Variants in EYS observed in about 807,000 individuals in gnomAD.
EYS encodes protein eyes shut homolog.
EYS carries 250 observed loss-of-function variants against 282.1 expected under a neutral mutation model. The ratio of observed to expected loss-of-function variants is 0.89; its 90% CI spans 0.80 to 0.98. EYS has a LOEUF of 0.98. EYS is among the 50% of genes least tolerant of loss of function. The pLI is 0.00. For missense variants in EYS, 4,016 were observed against 3,709.0 expected (o/e 1.08, Z -2.15); for synonymous variants, 1,355 against 1,282.9 (o/e 1.06, Z -1.20).
intron 2 of EYS, among the ~76,000 whole-genome samples, chr6:65,592,099 T>G (rs1355704542): frequency 6.6e-6 from 1 of 152,030 alleles, no homozygotes. Flanking sequence ...CATCTTAATA[T>G]TCACTAATTT....
At chr6:64,483,965 C>G (rs1257165374) in intron 26 of EYS, among the ~76,000 whole-genome samples, 2 of 151,586 alleles carry the variant, frequency 1.3e-5, no homozygotes, top group Non-Finnish European at 3.0e-5. Context: ...GTTTGCAACA[C>G]TTTTGTAGGT....
At chr6:64,133,674 C>G (rs111395873) in intron 31 of EYS, among the ~76,000 whole-genome samples, 3,813 of 152,032 alleles carry the variant, frequency 0.025, 146 homozygotes, top group African/African-American at 0.087. Flanking sequence ...AGTTACTCTA[C>G]CATTAATTTT....
intron 13 of EYS, among the ~76,000 whole-genome samples, chr6:65,019,207 G>A (rs1351170491): frequency 6.6e-6 from 1 of 151,908 alleles, no homozygotes; most frequent in African/African-American, 2.4e-5. Flanking sequence ...TGTGAATCTA[G>A]GTACCACCAT....
rs1162168830 is a variant in EYS, at chr6:64,125,913, CT to C, written c.6425-43912del. The stretch of plus-strand genomic sequence containing the variant: ...GGTGTATGCACATTTGCACTATTCT[CT>C]TCTTTTTTTTTTTTTTATTATACTT... On this transcript the variant is annotated intron_variant, in intron 31 of 42. Coordinates refer to ENST00000503581, the MANE Select transcript of EYS (RefSeq NM_001142800.2). Among the ~76,000 whole-genome samples, 14 of 142,370 alleles carry C rather than the reference CT, an allele frequency of 9.8e-5. 1 individual carries two copies. Among genetic ancestry groups the C allele is most frequent in the African/African-American group, 4.0e-4 (14 of 35,142 alleles). The allele number at this position is 142,370 out of a possible 152,430, so 93.4% of individuals were successfully genotyped here.
At chr6:65,082,339 C>T (rs1444813087) in intron 12 of EYS, among the ~76,000 whole-genome samples, 2 of 151,886 alleles carry the variant, frequency 1.3e-5, no homozygotes, top group Non-Finnish European at 2.9e-5. Flanking sequence ...ATTTATGAGT[C>T]ATGTTCATTT....
chr6:65,108,113 A>G (rs993732580), intron 12 of EYS, among the ~76,000 whole-genome samples: 1 of 152,118 alleles, frequency 6.6e-6, no homozygotes, highest in African/African-American at 2.4e-5. Context: ...TTTACTGAAT[A>G]TATGTATGAC....
intron 36 of EYS, among the ~76,000 whole-genome samples, chr6:63,853,742 G>A (rs567364097): frequency 6.6e-6 from 1 of 152,192 alleles, no homozygotes; most frequent in Non-Finnish European, 1.5e-5. Context: ...TATACTACAA[G>A]TTTACAGTAA....
Position 64,439,209 on chromosome 6 carries a change from C to A in EYS, c.5788G>T (p.Val1930Leu). ...LLYVKQDSNL[V>L]DGFFIQLFIE... is the part of the protein sequence containing the mutation. ...AACAATTGAATAAAAAATCCATCTACTAAATTTGAGTCTTGCTTGACATAC... is the reference window on the plus strand; with the variant it reads ...AACAATTGAATAAAAAATCCATCTAATAAATTTGAGTCTTGCTTGACATAC... The change falls in exon 27 of 43, where the codon GTA becomes TTA. Residue 1930 changes from valine to leucine, a missense_variant. Physicochemically the swap from Val to Leu is conservative, Grantham distance 32. Coordinates refer to ENST00000503581, the MANE Select transcript of EYS (RefSeq NM_001142800.2). 6.8e-7 allele frequency: 1 copy of A among 1,476,280 alleles called. No individual in the cohort carries two copies. Among genetic ancestry groups the A allele is most frequent in the Non-Finnish European group, 9.0e-7 (1 of 1,113,766 alleles). 91.4% of individuals were successfully genotyped at this position (1,476,280 alleles called of 1,614,324 possible).
At chr6:64,292,736 C>A (rs1768761156) in intron 30 of EYS, among the ~76,000 whole-genome samples, 1 of 151,946 alleles carries the variant, frequency 6.6e-6, no homozygotes, top group African/African-American at 2.4e-5. Context: ...ACTACGTTGA[C>A]TTTTAGGTTG....
At chr6:64,729,492 T>C (rs554690426) in intron 22 of EYS, among the ~76,000 whole-genome samples, 1 of 152,344 alleles carries the variant, frequency 6.6e-6, no homozygotes, top group South Asian at 2.1e-4. Flanking sequence ...ATAAAAAGGA[T>C]ATGTCTCAGC....
intron 31 of EYS, among the ~76,000 whole-genome samples, chr6:64,207,918 C>G (rs563282601): frequency 3.3e-5 from 5 of 152,284 alleles, no homozygotes; most frequent in Admixed American, 2.0e-4. Flanking sequence ...CTTGACCTCC[C>G]AAATTGCTGG....
intron 12 of EYS, among the ~76,000 whole-genome samples, chr6:65,111,850 C>A (rs1775222469): frequency 6.6e-6 from 1 of 152,062 alleles, no homozygotes; most frequent in Admixed American, 6.6e-5. Context: ...CTATTTCCCC[C>A]CACCAAAAAG....
chr6:64,468,226 A>C (rs1775987379), intron 26 of EYS, among the ~76,000 whole-genome samples: 2 of 152,138 alleles, frequency 1.3e-5, no homozygotes, highest in South Asian at 4.1e-4. Context: ...GCCTCCAATA[A>C]TAAACACAGC....
intron 28 of EYS, chr6:64,412,562 GT>G (rs1204927975): frequency 6.6e-6 from 1 of 151,986 alleles, no homozygotes; most frequent in East Asian, 1.9e-4. Flanking sequence ...TGGCAAATTT[GT>G]TTTTCAAAAA....
At chr6:65,181,491 A>T (rs772053603) in intron 12 of EYS, among the ~76,000 whole-genome samples, 62 of 152,188 alleles carry the variant, frequency 4.1e-4, no homozygotes, top group South Asian at 4.1e-4. Flanking sequence ...GGAAATGCAA[A>T]TCAAAACCAT....
At chr6:64,968,591 T>C (rs1363986943) in intron 14 of EYS, among the ~76,000 whole-genome samples, 1 of 152,192 alleles carries the variant, frequency 6.6e-6, no homozygotes, top group Non-Finnish European at 1.5e-5. Context: ...GTATTATTTT[T>C]TTCAGAAAAT....
At chr6:65,704,784 C>T (rs1201994013) in intron 1 of EYS, among the ~76,000 whole-genome samples, 2 of 152,092 alleles carry the variant, frequency 1.3e-5, no homozygotes, top group African/African-American at 2.4e-5. Context: ...GTAAAATGCA[C>T]CAAACCTTAC....
rs1044716173 is a variant in EYS, at chr6:65,392,454, T to C, written c.1185-7954A>G. On this transcript the variant is annotated intron_variant, in intron 7 of 42. Transcript: ENST00000503581. The stretch of plus-strand genomic sequence containing the variant: ...AAGGGCTAATATCCAGAATCTACAA[T>C]GAACTCAAACAAATTTACAAGAAAA... Among the ~76,000 whole-genome samples, 7 of 151,860 alleles carry C rather than the reference T, an allele frequency of 4.6e-5. No individual in the cohort carries two copies. In the South Asian group the frequency reaches 1.2e-3, roughly 27 times the overall value.
intron 26 of EYS, among the ~76,000 whole-genome samples, chr6:64,560,561 T>A (rs1422702870): frequency 6.6e-6 from 1 of 152,078 alleles, no homozygotes; most frequent in Non-Finnish European, 1.5e-5. Context: ...TAGAAAACCA[T>A]CTCACTATTA....
Sources: allele counts gnomAD v4.1 joint callset (sites outside exome capture counted in the v4.1 genomes callset), GRCh38; gene constraint gnomAD v4.1.1; transcripts MANE v1.5; gene names NCBI Gene and HGNC (gene_info 2026-07-23, HGNC 2026-07-21).